The following RIMS2 variants were observed in gnomAD, a reference collection of about 807,000 sequenced individuals.
RIMS2 encodes regulating synaptic membrane exocytosis 2.
RIMS2 carries 59 observed loss-of-function variants against 174.4 expected under a neutral mutation model. The observed-to-expected ratio is 0.34, with a 90% CI of 0.27 to 0.42. RIMS2 has a LOEUF of 0.42. Among genes scored for constraint, RIMS2 ranks in the 10% least tolerant of loss-of-function variants. RIMS2 has a pLI of 1.00. For synonymous variants in RIMS2, 606 were observed against 572.5 expected (o/e 1.06, Z -0.84); for missense variants, 1,620 against 1,666.3 (o/e 0.97, Z 0.48).
chr8:103,975,596 G>A (rs1323888671), intron 16 of RIMS2, 90 bp downstream of exon 18: 16 of 817,906 alleles, frequency 2.0e-5, no homozygotes, highest in South Asian at 3.9e-5. Context: ...ATGTATATAC[G>A]AAAGGGAGTT....
chr8:103,782,778 G>GT (rs1308548300), intron 3 of RIMS2, among the ~76,000 whole-genome samples: 4 of 152,058 alleles, frequency 2.6e-5, no homozygotes, highest in South Asian at 2.1e-4. Context: ...TTTAAGAGTA[G>GT]TTTTTTCTTT....
chr8:103,710,758 A>T (rs948362495), intron 2 of RIMS2, among the ~76,000 whole-genome samples: 2 of 152,188 alleles, frequency 1.3e-5, no homozygotes, highest in African/African-American at 4.8e-5. Context: ...GAATTTTTTC[A>T]CTTTATAAAT....
intron 3 of RIMS2, among the ~76,000 whole-genome samples, chr8:103,789,338 G>GGTGAATCTGACAATCA (rs1406050316): frequency 6.6e-6 from 1 of 152,068 alleles, no homozygotes; most frequent in Non-Finnish European, 1.5e-5. Flanking sequence ...TGTCTATGCT[G>GGTGAATCTGACAATCA]TTTGGGATCT....
chr8:103,607,418 T>C (rs980976981), intron 1 of RIMS2, among the ~76,000 whole-genome samples: 5 of 151,936 alleles, frequency 3.3e-5, no homozygotes, highest in Non-Finnish European at 7.4e-5. Context: ...GACCTTTCTC[T>C]CTGGCTGCCC....
intron 4 of RIMS2, among the ~76,000 whole-genome samples, chr8:103,898,031 A>G (rs903093932): frequency 2.6e-5 from 4 of 151,562 alleles, no homozygotes; most frequent in Admixed American, 6.6e-5. Context: ...CTTCCTTCTC[A>G]TTGGTGGTAG....
chr8:103,552,735 A>T (rs746406613), intron 1 of RIMS2, among the ~76,000 whole-genome samples: 16 of 152,254 alleles, frequency 1.1e-4, no homozygotes, highest in Admixed American at 2.0e-4. Flanking sequence ...CAAAGAACTT[A>T]AACAAGTTTA....
At chr8:104,228,855 AT>A (rs1253945187) in intron 19 of RIMS2, among the ~76,000 whole-genome samples, 3 of 152,288 alleles carry the variant, frequency 2.0e-5, no homozygotes, top group African/African-American at 2.4e-5. Flanking sequence ...ATAGCACAAT[AT>A]TTTTTTATGT....
intron 1 of RIMS2, among the ~76,000 whole-genome samples, chr8:103,652,919 A>C (rs561006065): frequency 6.7e-6 from 1 of 149,162 alleles, no homozygotes; most frequent in African/African-American, 2.5e-5. Context: ...AATTCCCCCC[A>C]CCCTGCTATA....
intron 3 of RIMS2, among the ~76,000 whole-genome samples, chr8:103,787,704 AT>A (rs2098456893): frequency 6.6e-6 from 1 of 151,910 alleles, no homozygotes; most frequent in African/African-American, 2.4e-5. Context: ...TGCCCTTAAC[AT>A]TTTTTCCTTC....
chr8:103,756,975 G>A (rs2098022448), intron 2 of RIMS2, among the ~76,000 whole-genome samples: 1 of 120,952 alleles, frequency 8.3e-6, no homozygotes, highest in African/African-American at 3.2e-5. Context: ...ATGTGTGTGT[G>A]TGTCTGTGTG....
At chr8:104,128,281 C>A (rs909112734) in intron 19 of RIMS2, among the ~76,000 whole-genome samples, 1 of 152,152 alleles carries the variant, frequency 6.6e-6, no homozygotes. Context: ...TTTATAAATT[C>A]TTCTGTGCTG....
intron 19 of RIMS2, among the ~76,000 whole-genome samples, chr8:104,043,259 A>C (rs1468026461): frequency 2.6e-5 from 4 of 151,652 alleles, no homozygotes; most frequent in African/African-American, 9.7e-5. Context: ...GGAAATTTTA[A>C]AGTTAAGAAT....
intron 1 of RIMS2, among the ~76,000 whole-genome samples, chr8:103,624,097 A>G (rs1001528851): frequency 6.6e-6 from 1 of 152,206 alleles, no homozygotes; most frequent in African/African-American, 2.4e-5. Context: ...AACAAAACCC[A>G]TTATGATAGT....
At chr8:103,750,733 T>A (rs991007042) in intron 2 of RIMS2, among the ~76,000 whole-genome samples, 1 of 152,152 alleles carries the variant, frequency 6.6e-6, no homozygotes, top group Non-Finnish European at 1.5e-5. Flanking sequence ...TTTCCCCTGC[T>A]GGCACTCATT....
At chr8:103,506,047 C>A (rs1425123930) in intron 1 of RIMS2, among the ~76,000 whole-genome samples, 1 of 151,882 alleles carries the variant, frequency 6.6e-6, no homozygotes, top group Non-Finnish European at 1.5e-5. Context: ...CTTCCCTATT[C>A]TAGTATTTTT....
At chr8:103,602,392 T>C (rs1296296797) in intron 1 of RIMS2, among the ~76,000 whole-genome samples, 1 of 152,112 alleles carries the variant, frequency 6.6e-6, no homozygotes, top group Non-Finnish European at 1.5e-5. Context: ...ACAGATTATT[T>C]CATCACCTAG....
chr8:103,812,486 A>G (rs2098695028), intron 3 of RIMS2, among the ~76,000 whole-genome samples: 1 of 152,024 alleles, frequency 6.6e-6, no homozygotes, highest in Admixed American at 6.6e-5. Flanking sequence ...GGTTCAAGCG[A>G]TTCTCCTGCC....
At position 103,885,502 on chromosome 8, in the gene RIMS2, T is replaced by A. The variant is rs377313890; in HGVS notation, c.903T>A (p.His301Gln). 20 of 1,612,708 alleles carry A rather than the reference T, an allele frequency of 1.2e-5. No individual in the cohort carries two copies. The African/African-American group carries it at 2.5e-4, about 20-fold the overall frequency. The change falls in exon 4 of 24, where the codon CAT becomes CAA. Residue 301 changes from histidine to glutamine, a missense_variant. This residue lies in a region of RIMS2 where 1,395 missense variants were observed against 1,360.1 expected (regional missense o/e 1.03). Transcript: ENST00000504942. ...ATAGGGACTCCAACAGGAGAAGTCA[T>A]AGGCATTCCAAAGAATATATTGTAG... is the stretch of plus-strand genomic sequence containing the variant.
At chr8:104,158,228 C>T (rs890706527) in intron 19 of RIMS2, among the ~76,000 whole-genome samples, 3 of 152,164 alleles carry the variant, frequency 2.0e-5, no homozygotes, top group South Asian at 2.1e-4. Flanking sequence ...GACATGAACT[C>T]GTCCTTTTTT....
Sources: allele counts gnomAD v4.1 joint callset (sites outside exome capture counted in the v4.1 genomes callset), GRCh38; gene constraint gnomAD v4.1.1; regional missense constraint gnomAD v4.1.1; transcripts MANE v1.5; gene names NCBI Gene and HGNC (gene_info 2026-07-23, HGNC 2026-07-21).